Variants in CSMD1 observed in about 807,000 individuals in gnomAD.
CSMD1 encodes CUB and Sushi multiple domains 1, also known as CUB and sushi domain-containing protein 1.
CSMD1 carries 213 observed loss-of-function variants against 417.5 expected under a neutral mutation model. That is an observed-to-expected ratio of 0.51 (90% confidence interval 0.46 to 0.57). CSMD1 has a LOEUF of 0.57. CSMD1 is among the 20% of genes least tolerant of loss of function. The pLI is 0.00. For synonymous variants in CSMD1, 2,862 were observed against 1,736.8 expected, an observed-to-expected ratio of 1.65 and a Z score of -16.11; for missense variants, 6,923 against 4,529.7, an observed-to-expected ratio of 1.53 and a Z score of -15.17.
chr8:4,132,769 C>T (rs1005248258), intron 3 of CSMD1, among the ~76,000 whole-genome samples: 6 of 151,982 alleles, frequency 3.9e-5, no homozygotes, highest in African/African-American at 1.2e-4. Flanking sequence ...CTCTACAATC[C>T]GTTTAAAAAG....
chr8:3,118,892 T>G (rs540096933), intron 41 of CSMD1, among the ~76,000 whole-genome samples: 23 of 152,142 alleles, frequency 1.5e-4, no homozygotes, highest in Non-Finnish European at 3.4e-4. Context: ...TTTAAGAAAG[T>G]AATACAGGCT....
chr8:3,603,971 G>A (rs1434910738), intron 8 of CSMD1, among the ~76,000 whole-genome samples: 2 of 152,148 alleles, frequency 1.3e-5, no homozygotes, highest in East Asian at 1.9e-4. Flanking sequence ...AAGTTTACCT[G>A]TAAATGAAAA....
At chr8:4,300,164 A>G (rs1199101165) in intron 3 of CSMD1, among the ~76,000 whole-genome samples, 1 of 151,404 alleles carries the variant, frequency 6.6e-6, no homozygotes, top group Non-Finnish European at 1.5e-5. Context: ...AAAAACAACA[A>G]CAAAACAGAC....
At chr8:3,916,154 C>T (rs569381247) in intron 5 of CSMD1, among the ~76,000 whole-genome samples, 2 of 151,870 alleles carry the variant, frequency 1.3e-5, no homozygotes, top group South Asian at 2.1e-4. Context: ...ATGCTAAATG[C>T]TCTATTACTT....
At chr8:4,231,593 C>T (rs1373901396) in intron 3 of CSMD1, among the ~76,000 whole-genome samples, 2 of 152,138 alleles carry the variant, frequency 1.3e-5, no homozygotes, top group East Asian at 1.9e-4. Flanking sequence ...TATAAATCTG[C>T]ATACAATCCC....
chr8:3,631,308 T>C (rs1344121684), intron 7 of CSMD1, among the ~76,000 whole-genome samples: 6 of 152,368 alleles, frequency 3.9e-5, no homozygotes, highest in East Asian at 3.9e-4. Flanking sequence ...GCGGATTTTC[T>C]GTCTGGTTTA....
At chr8:4,622,410 C>G (rs374107223) in intron 2 of CSMD1, among the ~76,000 whole-genome samples, 1 of 151,994 alleles carries the variant, frequency 6.6e-6, no homozygotes, top group African/African-American at 2.4e-5. Flanking sequence ...GCGAGCTACC[C>G]GATGGGGTGA....
chr8:4,223,672 G>T lies in CSMD1; in HGVS notation c.416-191573C>A, dbSNP rs373034243. Among the ~76,000 whole-genome samples the T allele has an allele frequency of 1.7e-4, 26 of 152,296 alleles. 1 individual carries two copies. Among genetic ancestry groups the T allele is most frequent in the Admixed American group, 5.2e-4 (8 of 15,300 alleles). On this transcript the variant is annotated intron_variant, in intron 3 of 69. Coordinates refer to ENST00000635120, the MANE Select transcript of CSMD1 (RefSeq NM_033225.6). ...AAACCCCAGTCTGTCTGTGCTCTTG[G>T]AAAAATCATTTGACTTCCAGAGCCT...
At chr8:4,004,039 A>G (rs1815909862) in intron 4 of CSMD1, among the ~76,000 whole-genome samples, 1 of 152,238 alleles carries the variant, frequency 6.6e-6, no homozygotes, top group African/African-American at 2.4e-5. Flanking sequence ...TAAATACTCT[A>G]TAGTAAAACA....
At chr8:3,083,583 C>T (rs1454844555) in intron 49 of CSMD1, among the ~76,000 whole-genome samples, 20 of 124,586 alleles carry the variant, frequency 1.6e-4, no homozygotes, top group Admixed American at 6.2e-4. Context: ...TCATGCTCTC[C>T]ATCCACGGTG....
chr8:3,506,115 C>T (rs887317382), intron 10 of CSMD1, among the ~76,000 whole-genome samples: 11 of 152,102 alleles, frequency 7.2e-5, no homozygotes, highest in Non-Finnish European at 1.5e-4. Flanking sequence ...TCATCGGAGG[C>T]CAGGTGATAG....
At chr8:3,210,314 C>T (rs759617795) in intron 30 of CSMD1, among the ~76,000 whole-genome samples, 2 of 131,144 alleles carry the variant, frequency 1.5e-5, no homozygotes, top group Non-Finnish European at 3.3e-5. Flanking sequence ...GTTTCATGCG[C>T]TGTGCTCTTT....
At chr8:4,209,028 G>A (rs539260910) in intron 3 of CSMD1, among the ~76,000 whole-genome samples, 11 of 152,230 alleles carry the variant, frequency 7.2e-5, no homozygotes, top group African/African-American at 2.6e-4. Context: ...GAATCCAATT[G>A]TATTCTCTCC....
At chr8:4,597,371 G>T (rs1402562950) in intron 2 of CSMD1, among the ~76,000 whole-genome samples, 1 of 152,124 alleles carries the variant, frequency 6.6e-6, no homozygotes, top group African/African-American at 2.4e-5. Context: ...ACCTAAAGTA[G>T]TGTGAGGTAT....
intron 1 of CSMD1, among the ~76,000 whole-genome samples, chr8:4,652,766 TG>T (rs1803986488): frequency 2.6e-5 from 4 of 152,244 alleles, no homozygotes; most frequent in Middle Eastern, 3.4e-3. Flanking sequence ...GGCGGTTTTG[TG>T]GAAGACAATT....
At chr8:4,772,112 G>C (rs56134785) in intron 1 of CSMD1, among the ~76,000 whole-genome samples, 2 of 152,110 alleles carry the variant, frequency 1.3e-5, no homozygotes, top group African/African-American at 2.4e-5. Flanking sequence ...AGGCTTCCAG[G>C]GTCATTTGGG....
chr8:4,462,627 T>C (rs1326060720), intron 2 of CSMD1, among the ~76,000 whole-genome samples: 1 of 152,232 alleles, frequency 6.6e-6, no homozygotes, highest in Admixed American at 6.5e-5. Flanking sequence ...TCCATTATGC[T>C]TGCATTAGAC....
At chr8:3,974,422 G>C (rs965172048) in intron 5 of CSMD1, among the ~76,000 whole-genome samples, 3 of 151,726 alleles carry the variant, frequency 2.0e-5, no homozygotes, top group Non-Finnish European at 4.4e-5. Context: ...ACTTCGACCA[G>C]GATATTCATA....
chr8:3,693,944 G>C (rs1800396851), intron 7 of CSMD1, among the ~76,000 whole-genome samples: 1 of 151,180 alleles, frequency 6.6e-6, no homozygotes, highest in South Asian at 2.1e-4. Flanking sequence ...TGTGCGTCGT[G>C]TGTTGGATAT....
Sources: gnomAD v4.1 joint callset for allele counts (sites outside exome capture counted in the v4.1 genomes callset) on GRCh38, gnomAD v4.1.1 for gene constraint, MANE v1.5 for transcripts, NCBI Gene and HGNC (gene_info 2026-07-23, HGNC 2026-07-21) for gene names.